TMEM117: variants seen among roughly 807,000 people sequenced by gnomAD.
TMEM117 encodes transmembrane protein 117.
TMEM117 carries 27 observed loss-of-function variants against 52.4 expected under a neutral mutation model. The observed-to-expected ratio is 0.51, with a 90% confidence interval of 0.38 to 0.71. The LOEUF (loss-of-function observed/expected upper bound fraction) is 0.71, where lower values mean the gene tolerates loss of function less well. Among genes scored for constraint, TMEM117 ranks in the 30% least tolerant of loss-of-function variants. TMEM117 has a pLI of 0.00. For missense variants in TMEM117, 556 were observed against 630.5 expected (o/e 0.88, Z 1.26); for synonymous variants, 215 against 206.3 (o/e 1.04, Z -0.36).
At chr12:44,190,586 C>A (rs1949338011) in intron 4 of TMEM117, among the ~76,000 whole-genome samples, 1 of 152,064 alleles carries the variant, frequency 6.6e-6, no homozygotes, top group African/African-American at 2.4e-5. Context: ...GTAACTGTGT[C>A]AGTTAAACAC....
intron 6 of TMEM117, among the ~76,000 whole-genome samples, chr12:44,320,948 G>C (rs912231087): frequency 2.6e-5 from 4 of 152,140 alleles, no homozygotes; most frequent in Admixed American, 2.6e-4. Context: ...GTTCCTTTCA[G>C]GTCATTGGGA....
chr12:44,031,253 T>G (rs937470119), intron 3 of TMEM117, among the ~76,000 whole-genome samples: 7 of 152,196 alleles, frequency 4.6e-5, no homozygotes, highest in African/African-American at 1.4e-4. Flanking sequence ...TATAACTTAG[T>G]GTATATTAAT....
intron 3 of TMEM117, among the ~76,000 whole-genome samples, chr12:44,133,837 C>T (rs1354908891): frequency 6.6e-6 from 1 of 152,080 alleles, no homozygotes; most frequent in Non-Finnish European, 1.5e-5. Flanking sequence ...TATTGGCAAA[C>T]TCAATTCCAG....
intron 2 of TMEM117, among the ~76,000 whole-genome samples, chr12:43,875,248 T>TGAGA (rs1565730025): frequency 1.5e-5 from 2 of 137,136 alleles, no homozygotes; most frequent in African/African-American, 2.5e-5. Flanking sequence ...TGTGTGTGTG[T>TGAGA]GTGAGAAAAG....
chr12:44,311,167 A>G (rs1447930083), intron 6 of TMEM117, among the ~76,000 whole-genome samples: 1 of 151,402 alleles, frequency 6.6e-6, no homozygotes, highest in Non-Finnish European at 1.5e-5. Context: ...ATTTTTCTCA[A>G]TTTTTATGTG....
chr12:44,245,781 G>A (rs1408168011), intron 5 of TMEM117, among the ~76,000 whole-genome samples: 1 of 151,990 alleles, frequency 6.6e-6, no homozygotes, highest in African/African-American at 2.4e-5. Context: ...TAAAGAGAGT[G>A]CTTGTGGTGG....
the TMEM117 span, chr12:43,805,682 G>T: frequency 2.6e-6 from 2 of 783,554 alleles, no homozygotes; most frequent in Non-Finnish European, 3.8e-6. Flanking sequence ...AGATTTCTCA[G>T]AACATAACTC....
At chr12:43,872,378 C>G (rs985428931) in intron 2 of TMEM117, among the ~76,000 whole-genome samples, 3 of 152,082 alleles carry the variant, frequency 2.0e-5, no homozygotes, top group Non-Finnish European at 4.4e-5. Context: ...GTCTGTACCT[C>G]TAACTACAGA....
intron 3 of TMEM117, among the ~76,000 whole-genome samples, chr12:43,948,501 T>C (rs1278061625): frequency 6.6e-6 from 1 of 152,036 alleles, no homozygotes; most frequent in Non-Finnish European, 1.5e-5. Context: ...GAGACGGGGT[T>C]TCACCGTATT....
At chr12:43,865,167 G>A (rs1943567541) in intron 2 of TMEM117, among the ~76,000 whole-genome samples, 1 of 152,166 alleles carries the variant, frequency 6.6e-6, no homozygotes, top group African/African-American at 2.4e-5. Flanking sequence ...TGAAGTCAGT[G>A]AGACCAAGAA....
chr12:44,161,060 G>T (rs1202132844), intron 4 of TMEM117, among the ~76,000 whole-genome samples: 2 of 152,134 alleles, frequency 1.3e-5, no homozygotes, highest in Non-Finnish European at 2.9e-5. Flanking sequence ...CTATAATCAT[G>T]AAGTGCAGTG....
chr12:43,814,416 C>T, the TMEM117 span, among the ~76,000 whole-genome samples: 1 of 152,146 alleles, frequency 6.6e-6, no homozygotes, highest in Non-Finnish European at 1.5e-5. Flanking sequence ...ATATTTGTGA[C>T]TTTCTCCCCA....
In TMEM117 at chr12:43,875,395, A is replaced by G. The variant is rs151171470; in HGVS notation, c.277+30467A>G. Among the ~76,000 whole-genome samples, 3 of 152,322 alleles carry G rather than the reference A, an allele frequency of 2.0e-5. No homozygotes were observed. The East Asian group carries it at 5.8e-4, about 29-fold the overall frequency. ...TAGTGAGGGCTCAGAACGCTGAAGC[A>G]GGTTTACATGATATATTTTTATTTT... is the stretch of plus-strand genomic sequence containing the variant. On this transcript the variant is annotated intron_variant, in intron 2 of 7. Transcript: ENST00000266534.
In TMEM117 at chr12:44,063,468, T is replaced by C. The variant is rs187052142; in HGVS notation, c.411-80057T>C. Among the ~76,000 whole-genome samples, 14 of 146,992 alleles carry C rather than the reference T, an allele frequency of 9.5e-5. No homozygotes were observed. In the East Asian group the frequency reaches 2.5e-3, roughly 27 times the overall value. Reference sequence around the variant, plus strand: ...AATTTGTCAATCCTAGGTTTGTTTCTTTTTTTTTTATTATTATACTTTAAG... The same window carrying C: ...AATTTGTCAATCCTAGGTTTGTTTCCTTTTTTTTTATTATTATACTTTAAG... On this transcript the variant is annotated intron_variant, in intron 3 of 7. Transcript: ENST00000266534.
At chr12:43,872,088 G>T (rs950799593) in intron 2 of TMEM117, among the ~76,000 whole-genome samples, 1 of 152,156 alleles carries the variant, frequency 6.6e-6, no homozygotes, top group African/African-American at 2.4e-5. Context: ...AATTTGTAGA[G>T]ATGGGGTCTT....
intron 3 of TMEM117, among the ~76,000 whole-genome samples, chr12:43,983,171 G>A (rs1375070088): frequency 1.3e-5 from 2 of 152,134 alleles, no homozygotes; most frequent in African/African-American, 4.8e-5. Flanking sequence ...ACGTTTGGTG[G>A]TTCTGGCTGT....
intron 3 of TMEM117, among the ~76,000 whole-genome samples, chr12:44,097,549 G>T (rs1203072088): frequency 6.6e-6 from 1 of 151,958 alleles, no homozygotes; most frequent in African/African-American, 2.4e-5. Flanking sequence ...AAAATGATGA[G>T]TTCATGTTCT....
At chr12:44,299,544 C>T (rs753764703) in intron 5 of TMEM117, 36 bp from the exon 6 acceptor site, 1 of 1,609,492 alleles carries the variant, frequency 6.2e-7, no homozygotes, top group Non-Finnish European at 8.5e-7. Context: ...ATATTTTATG[C>T]CTTATGTTCT....
chr12:44,301,827 T>G (rs1950844107), intron 6 of TMEM117, among the ~76,000 whole-genome samples: 1 of 152,192 alleles, frequency 6.6e-6, no homozygotes, highest in Admixed American at 6.5e-5. Context: ...TCAGGCCTGA[T>G]TCCAGATTTC....
Sources: gnomAD v4.1 joint callset for allele counts (sites outside exome capture counted in the v4.1 genomes callset) on GRCh38, gnomAD v4.1.1 for gene constraint, MANE v1.5 for transcripts, NCBI Gene and HGNC (gene_info 2026-07-23, HGNC 2026-07-21) for gene names.